The following A2M variants were observed in gnomAD, a reference collection of about 807,000 sequenced individuals.
A2M encodes C3 and PZP-like alpha-2-macroglobulin domain-containing protein 5.
A neutral mutation model predicts 183.9 loss-of-function variants in A2M; 128 were observed. The observed-to-expected ratio is 0.70, with a 90% CI of 0.60 to 0.81. The LOEUF (loss-of-function observed/expected upper bound fraction) is 0.81, where lower values mean the gene tolerates loss of function less well. A2M is among the 30% of genes least tolerant of loss of function. The pLI, the probability that A2M is intolerant of heterozygous loss-of-function variation, is 0.00. For missense variants in A2M, 1,495 were observed against 1,787.6 expected, an observed-to-expected ratio of 0.84 and a Z score of 2.95; for synonymous variants, 592 against 670.8, an observed-to-expected ratio of 0.88 and a Z score of 1.81.
At chr12:9,069,095 T>C (rs1319610045) in intron 33 of A2M, 3 of 296,150 alleles carry the variant, frequency 1.0e-5, no homozygotes, top group Non-Finnish European at 1.9e-5. Context: ...GTAAATGATA[T>C]ATACTTTTTA....
chr12:9,097,278 AC>A (rs59167013), intron 15 of A2M, among the ~76,000 whole-genome samples: 24,582 of 152,156 alleles, frequency 0.16, 2,125 homozygotes, highest in Middle Eastern at 0.21. Context: ...CAAGTAAGAA[AC>A]ATTTTTTTAT....
chr12:9,106,546 C>G lies in A2M; in HGVS notation c.939G>C (p.Arg313Ser), dbSNP rs1447412413. Reference protein sequence around the residue: ...QVKTKVFQLKRKEYEMKLHTE... With the variant: ...QVKTKVFQLKSKEYEMKLHTE... ...TGTGAAGTTTCATTTCATACTCCTT[C>G]CTCTTCAGCTGGAAGACCTTGGTTT... is the stretch of plus-strand genomic sequence containing the variant. The change falls in exon 9 of 36, where the codon AGG becomes AGC. Residue 313 changes from arginine (R) to serine (S), a missense_variant. By Grantham distance (110) the Arg-to-Ser change is moderately radical (BLOSUM62 -1). Coordinates refer to ENST00000318602, the MANE Select transcript of A2M (RefSeq NM_000014.6). 2 of 1,598,478 alleles carry G rather than the reference C, an allele frequency of 1.3e-6. No homozygotes were observed. The highest frequency in any genetic ancestry group is 1.7e-6 in the Non-Finnish European group (2 of 1,171,168).
intron 22 of A2M, among the ~76,000 whole-genome samples, chr12:9,086,670 C>A (rs971781511): frequency 1.3e-5 from 2 of 152,148 alleles, no homozygotes; most frequent in Non-Finnish European, 2.9e-5. Flanking sequence ...TATGATAAAC[C>A]TATAGCTTAC....
intron 22 of A2M, among the ~76,000 whole-genome samples, chr12:9,084,387 T>C (rs1049588119): frequency 1.3e-5 from 2 of 152,130 alleles, no homozygotes; most frequent in African/African-American, 4.8e-5. Context: ...TAAAAATAAA[T>C]TGTCAATAAA....
chr12:9,079,971 C>T, intron 23 of A2M, 123 bp downstream of exon 23: 2 of 947,404 alleles, frequency 2.1e-6, no homozygotes, highest in Non-Finnish European at 3.0e-6. Flanking sequence ...ATAAACAAGC[C>T]CAAAGAAGAA....
At chr12:9,111,460 G>A in intron 4 of A2M, 1 of 453,268 alleles carries the variant, frequency 2.2e-6, no homozygotes, top group Non-Finnish European at 4.4e-6. Flanking sequence ...ATCTTATTTA[G>A]AGATGACATT....
intron 12 of A2M, 52 bp from the exon 13 acceptor site, chr12:9,101,259 CA>C: frequency 6.6e-7 from 1 of 1,516,850 alleles, no homozygotes; most frequent in Non-Finnish European, 9.0e-7. Context: ...GAACACGCTT[CA>C]GTCTCACTTC....
Position 9,109,948 on chromosome 12 carries a change from G to GCT in A2M, c.590_591dup (p.Pro198SerfsTer37). 6.2e-7 allele frequency: 1 copy of GCT among 1,614,038 alleles called. No individual in the cohort carries two copies. Among genetic ancestry groups the GCT allele is most frequent in the Non-Finnish European group, 8.5e-7 (1 of 1,179,910 alleles). ...ACCACCTTGTAGGAGCCCTGGAAGG[G>GCT]CTCTGATGAGAGGGGAAAAGAAAAT... On this transcript the variant is annotated frameshift_variant, in exon 6 of 36. Transcript: ENST00000318602. LOFTEE classifies it high-confidence loss of function.
intron 22 of A2M, among the ~76,000 whole-genome samples, chr12:9,085,609 G>T (rs1302596126): frequency 3.3e-5 from 5 of 151,712 alleles, no homozygotes; most frequent in Non-Finnish European, 7.4e-5. Context: ...AGGAAAAGAA[G>T]AACAAAGTAA....
intron 31 of A2M, among the ~76,000 whole-genome samples, chr12:9,071,253 AT>A (rs1948567781): frequency 6.6e-6 from 1 of 152,206 alleles, no homozygotes; most frequent in South Asian, 2.1e-4. Context: ...ATTATGAATA[AT>A]AAATTTCAGT....
Position 9,106,330 on chromosome 12 carries a change from C to T in A2M, c.1010G>A (p.Gly337Glu). The change falls in exon 10 of 36, where the codon GGA (glycine) becomes GAA (glutamate). Residue 337 changes from glycine (G) to glutamate (E), a missense_variant. Transcript: ENST00000318602. Reference sequence around the variant, plus strand: ...TCTTGTGATTTCACTGGACTGCCTTCCAGTCAATTCCACCACTGAAAAAAG... The same window carrying T: ...TCTTGTGATTTCACTGGACTGCCTTTCAGTCAATTCCACCACTGAAAAAAG... ...QEEGTVVELT[G>E]RQSSEITRTI... is the part of the protein sequence containing the mutation. 6.2e-7 allele frequency: 1 copy of T among 1,607,944 alleles called. No individual in the cohort carries two copies. Among genetic ancestry groups the T allele is most frequent in the South Asian group, 1.1e-5 (1 of 90,430 alleles).
chr12:9,072,531 A>T, intron 30 of A2M, 45 bp from the exon 31 acceptor site: 1 of 1,603,100 alleles, frequency 6.2e-7, no homozygotes, highest in Non-Finnish European at 8.5e-7. Flanking sequence ...CCTTTCCCAG[A>T]ATTCCTGTCC....
chr12:9,094,340 CATATATATATATATAT>C (rs59647548), intron 17 of A2M, among the ~76,000 whole-genome samples: 17 of 97,030 alleles, frequency 1.8e-4, no homozygotes, highest in South Asian at 1.2e-3. Flanking sequence ...AAAAATTGTG[CATATATATATATATAT>C]ATATATATAT....
Position 9,115,825 on chromosome 12 carries a change from G to A in A2M, c.25C>T (p.Pro9Ser), listed in dbSNP as rs1939077956. 2 of 1,613,342 alleles carry A rather than the reference G, an allele frequency of 1.2e-6. No homozygotes were observed. Among genetic ancestry groups the A allele is most frequent in the South Asian group, 2.2e-5 (2 of 91,078 alleles). MGKNKLLHPSLVLLLLVLL... is the reference protein window; with the variant it reads MGKNKLLHSSLVLLLLVLL... ...ACCAAGAGGAGAAGAACCAGACTTG[G>A]ATGAAGGAGTTTGTTCTTCCCCATG... The change falls in exon 1 of 36, where the codon CCA becomes TCA. Residue 9 changes from proline (P) to serine (S), a missense_variant. By Grantham distance (74) the Pro-to-Ser change is moderately conservative. Transcript: ENST00000318602.
chr12:9,076,664 A>C, intron 28 of A2M, 92 bp downstream of exon 28: 1 of 1,146,748 alleles, frequency 8.7e-7, no homozygotes. Flanking sequence ...GAGAGGAGAC[A>C]GGGATCACAG....
At chr12:9,079,441 G>C in intron 24 of A2M, 110 bp from the exon 25 acceptor site, 1 of 1,254,134 alleles carries the variant, frequency 8.0e-7, no homozygotes, top group Non-Finnish European at 1.1e-6. Context: ...AAATTTTGTT[G>C]TCATAGATTA....
intron 29 of A2M, among the ~76,000 whole-genome samples, chr12:9,073,356 A>G (rs145437801): frequency 8.1e-4 from 123 of 152,346 alleles, no homozygotes; most frequent in African/African-American, 2.8e-3. Flanking sequence ...AGTTTCTCCA[A>G]AAGAAATAAA....
chr12:9,095,736 T>C (rs55933766), intron 15 of A2M, 36 bp from the exon 16 acceptor site: 213,225 of 1,323,404 alleles, frequency 0.16, 22,022 homozygotes, highest in East Asian at 0.35. Flanking sequence ...GCAAACTTAT[T>C]TGTGACTTTT....
At chr12:9,101,269 TC>T in intron 12 of A2M, 62 bp from the exon 13 acceptor site, 1 of 1,496,252 alleles carries the variant, frequency 6.7e-7, no homozygotes, top group Non-Finnish European at 9.1e-7. Context: ...CAGTCTCACT[TC>T]AATATACTTG....
Sources: allele counts gnomAD v4.1 joint callset (sites outside exome capture counted in the v4.1 genomes callset), GRCh38; gene constraint gnomAD v4.1.1; transcripts MANE v1.5; gene names NCBI Gene and HGNC (gene_info 2026-07-23, HGNC 2026-07-21).